Variants in ICA1 observed in about 807,000 individuals in gnomAD.
ICA1 encodes the protein islet cell autoantigen 1.
Under a neutral mutation model 71.0 loss-of-function variants are expected in ICA1, and 40 were observed. That is an observed-to-expected ratio of 0.56 (90% CI 0.44 to 0.73). ICA1 has a LOEUF of 0.73. Ranked by LOEUF, ICA1 falls within the 30% of genes least tolerant of loss-of-function variation. The pLI is 0.00. For missense variants in ICA1, 578 were observed against 576.5 expected (o/e 1.00, Z -0.03); for synonymous variants, 207 against 209.5 (o/e 0.99, Z 0.10).
intron 6 of ICA1, among the ~76,000 whole-genome samples, chr7:8,164,356 A>T (rs1032266368): frequency 6.7e-6 from 1 of 149,366 alleles, no homozygotes; most frequent in African/African-American, 2.5e-5. Context: ...AAGAGGAAAG[A>T]TGTTAGTAGT....
intron 6 of ICA1, among the ~76,000 whole-genome samples, chr7:8,179,857 C>T (rs1370586500): frequency 6.6e-6 from 1 of 151,876 alleles, no homozygotes; most frequent in African/African-American, 2.4e-5. Context: ...GATATGTAAA[C>T]AACAGAGATA....
chr7:8,153,560 T>C (rs1055451324), intron 8 of ICA1, among the ~76,000 whole-genome samples: 4 of 152,056 alleles, frequency 2.6e-5, no homozygotes, highest in Non-Finnish European at 5.9e-5. Flanking sequence ...GTAAATGACA[T>C]CCTCGAAAGA....
At chr7:8,126,461 C>A (rs182822746) in intron 13 of ICA1, among the ~76,000 whole-genome samples, 8 of 152,194 alleles carry the variant, frequency 5.3e-5, no homozygotes, top group African/African-American at 1.4e-4. Context: ...CTATCTCTAC[C>A]TCCATTACTG....
At chr7:8,247,507 A>G (rs1426073752) in intron 1 of ICA1, among the ~76,000 whole-genome samples, 1 of 152,178 alleles carries the variant, frequency 6.6e-6, no homozygotes, top group Non-Finnish European at 1.5e-5. Flanking sequence ...CATTTTGAAC[A>G]AGCTGGACAG....
intron 6 of ICA1, among the ~76,000 whole-genome samples, chr7:8,167,121 G>C (rs906576434): frequency 6.6e-6 from 1 of 152,108 alleles, no homozygotes; most frequent in Non-Finnish European, 1.5e-5. Flanking sequence ...TCCCATTATT[G>C]GGAATATATC....
At position 8,226,602 on chromosome 7, in the gene ICA1, A is replaced by G. The variant is rs893150403; in HGVS notation, c.256+1999T>C. The stretch of plus-strand genomic sequence containing the variant: ...GCTACATAGCAACATCCTCAAATTA[A>G]CCACACTATTTTTAGTCTTCCATCA... On this transcript the variant is annotated intron_variant, in intron 4 of 13. Coordinates refer to ENST00000402384, the MANE Select transcript of ICA1 (RefSeq NM_001136020.3). This position sits in a 1 kb window ranked among gnomAD's most constrained non-coding sequence, Gnocchi z 4.4. 1.3e-5 allele frequency among the ~76,000 whole-genome samples: 2 copies of G among 152,134 alleles called. No individual in the cohort carries two copies. Among genetic ancestry groups the G allele is most frequent in the Non-Finnish European group, 2.9e-5 (2 of 68,028 alleles).
chr7:8,181,604 G>A (rs1782211185), intron 6 of ICA1, among the ~76,000 whole-genome samples: 1 of 152,094 alleles, frequency 6.6e-6, no homozygotes, highest in Non-Finnish European at 1.5e-5. Context: ...CATAAATATG[G>A]TACATTCCTC....
chr7:8,228,554 G>T, intron 4 of ICA1, 47 bp downstream of exon 4: 2 of 1,170,228 alleles, frequency 1.7e-6, no homozygotes, highest in Non-Finnish European at 1.2e-6. Context: ...AAAATACCCT[G>T]CTATTTCTTA....
At chr7:8,209,402 G>T (rs570019859) in intron 6 of ICA1, among the ~76,000 whole-genome samples, 1 of 152,250 alleles carries the variant, frequency 6.6e-6, no homozygotes, top group East Asian at 1.9e-4. Flanking sequence ...GAATTAGTAA[G>T]TATAGATGGT....
At chr7:8,146,855 T>G (rs2128141427) in intron 8 of ICA1, among the ~76,000 whole-genome samples, 2 of 116,278 alleles carry the variant, frequency 1.7e-5, no homozygotes, top group East Asian at 3.3e-4. Flanking sequence ...ATTTTATTCA[T>G]GTACACACAC....
chr7:8,114,480 C>T, intron 13 of ICA1, among the ~76,000 whole-genome samples: 1 of 152,176 alleles, frequency 6.6e-6, no homozygotes, highest in Non-Finnish European at 1.5e-5. Flanking sequence ...ATATTATGGC[C>T]ACTCTTTCTA....
intron 12 of ICA1, among the ~76,000 whole-genome samples, chr7:8,135,527 G>A (rs540741577): frequency 3.3e-5 from 5 of 152,322 alleles, no homozygotes; most frequent in African/African-American, 9.6e-5. Context: ...CACTTCGTAT[G>A]CGAGGAAGCA....
At chr7:8,220,796 AAC>A (rs1796797243) in intron 5 of ICA1, among the ~76,000 whole-genome samples, 1 of 152,116 alleles carries the variant, frequency 6.6e-6, no homozygotes, top group East Asian at 1.9e-4. Flanking sequence ...CTGCATTTCT[AAC>A]ACACTCCCGG....
At chr7:8,124,111 ATTTTTTT>A (rs536582712) in intron 13 of ICA1, among the ~76,000 whole-genome samples, 87 of 107,444 alleles carry the variant, frequency 8.1e-4, no homozygotes, top group African/African-American at 3.3e-3. Context: ...GAATCATACA[ATTTTTTT>A]TTTTTTTTTT....
chr7:8,184,794 G>A (rs1168411578), intron 6 of ICA1, among the ~76,000 whole-genome samples: 1 of 152,172 alleles, frequency 6.6e-6, no homozygotes, highest in African/African-American at 2.4e-5. Context: ...AAAAGAAAAG[G>A]CGGGGTGCCG....
chr7:8,165,153 C>A (rs1805441709), intron 6 of ICA1, among the ~76,000 whole-genome samples: 1 of 152,210 alleles, frequency 6.6e-6, no homozygotes, highest in Non-Finnish European at 1.5e-5. Context: ...AGGATCTTTT[C>A]ATCCGAGGCT....
At chr7:8,166,889 A>G (rs966038009) in intron 6 of ICA1, among the ~76,000 whole-genome samples, 1 of 27,278 alleles carries the variant, frequency 3.7e-5, no homozygotes, top group African/African-American at 1.6e-4. Context: ...AGAATGCTCA[A>G]CATCACTAAT....
intron 6 of ICA1, among the ~76,000 whole-genome samples, chr7:8,210,869 T>C (rs143896964): frequency 1.3e-5 from 2 of 152,244 alleles, no homozygotes; most frequent in Non-Finnish European, 1.5e-5. Flanking sequence ...TGCACCACCA[T>C]GGGCCAAGGG....
At chr7:8,221,556 C>T (rs561585763) in intron 4 of ICA1, among the ~76,000 whole-genome samples, 158 bp from the exon 5 acceptor site, 2 of 152,284 alleles carry the variant, frequency 1.3e-5, no homozygotes, top group East Asian at 1.9e-4. Flanking sequence ...CCCCTACCCC[C>T]CATTTAACTT....
Sources: gnomAD v4.1 joint callset for allele counts (sites outside exome capture counted in the v4.1 genomes callset) on GRCh38, gnomAD v4.1.1 for gene constraint, Gnocchi (gnomAD v3.1) non-coding constraint, MANE v1.5 for transcripts, NCBI Gene and HGNC (gene_info 2026-07-23, HGNC 2026-07-21) for gene names.